Variants in KCNQ2 observed in about 807,000 individuals in gnomAD.
The protein encoded by KCNQ2 is potassium voltage-gated channel subfamily KQT member 2.
Under a neutral mutation model 84.8 loss-of-function variants are expected in KCNQ2, and 14 were observed. That is an observed-to-expected ratio of 0.17 (90% CI 0.11 to 0.26). The LOEUF (loss-of-function observed/expected upper bound fraction) is 0.26, where lower values mean the gene tolerates loss of function less well. Ranked by LOEUF, KCNQ2 falls within the 10% of genes least tolerant of loss-of-function variation. The probability of loss-of-function intolerance (pLI) is 1.00; values close to 1 mark genes in which losing one functional copy is unlikely to be tolerated. For synonymous variants in KCNQ2, 599 were observed against 554.1 expected (o/e 1.08, Z -1.14); for missense variants, 788 against 1,254.0 (o/e 0.63, Z 5.61).
chr20:63,406,728 G>A lies in KCNQ2; in HGVS notation c.2535C>T (p.Leu845=). Residue 845 remains leucine, a synonymous_variant, in exon 17 of 17, where the codon CTC becomes CTT. Coordinates refer to ENST00000359125, the MANE Select transcript of KCNQ2 (RefSeq NM_172107.4). ...GTGGCGGGGGCCCGCACGGGGTACA[G>A]AGGTCGGAGTCGGTGTCTGACTCTC... ...AEGESDTDSD[L]CTPCGPPPRS... is the part of the protein sequence containing the mutation. 6.2e-7 allele frequency: 1 copy of A among 1,609,036 alleles called. No individual in the cohort carries two copies.
At chr20:63,410,177 T>C (rs961769487) in intron 15 of KCNQ2, among the ~76,000 whole-genome samples, 4 of 152,130 alleles carry the variant, frequency 2.6e-5, no homozygotes, top group Admixed American at 1.3e-4. Context: ...ATGGAGGAGA[T>C]GGGAGTCCCT....
rs6011829 is a variant in KCNQ2, at chr20:63,434,067, C to T, written c.1024-164G>A. Reference sequence around the variant, plus strand: ...AGGCCCCAGTGCTGCATCAGCCCCACAGCCTCAGTTTACCCTCTGTAGGAC... The same window carrying T: ...AGGCCCCAGTGCTGCATCAGCCCCATAGCCTCAGTTTACCCTCTGTAGGAC... On this transcript the variant is annotated intron_variant, in intron 7 of 16. Transcript: ENST00000359125. The T allele has an allele frequency of 0.33, 201,286 of 613,574 alleles. 36,643 individuals are homozygous for T. The highest frequency in any genetic ancestry group is 0.4 in the Non-Finnish European group (138,261 of 347,842). The allele number at this position is 613,574 out of a possible 1,614,324, so 38.0% of individuals were successfully genotyped here.
intron 11 of KCNQ2, chr20:63,423,875 G>C: frequency 2.0e-6 from 1 of 509,086 alleles, no homozygotes; most frequent in Non-Finnish European, 3.6e-6. Context: ...CTGCCTCCGA[G>C]AACCCTGGGG....
intron 1 of KCNQ2, among the ~76,000 whole-genome samples, chr20:63,455,532 T>C (rs972671110): frequency 6.6e-6 from 1 of 152,086 alleles, no homozygotes; most frequent in Non-Finnish European, 1.5e-5. Context: ...AGACTGAGCA[T>C]GGAGCAGCGG....
intron 10 of KCNQ2, 169 bp from the exon 11 acceptor site, chr20:63,424,375 G>A (rs938125404): frequency 1.5e-5 from 11 of 756,062 alleles, no homozygotes; most frequent in East Asian, 8.1e-5. Flanking sequence ...GAGAGCCCAC[G>A]GCCCCAGGAA....
intron 9 of KCNQ2, 97 bp downstream of exon 9, chr20:63,431,243 G>T: frequency 4.3e-6 from 6 of 1,382,304 alleles, no homozygotes; most frequent in Non-Finnish European, 6.2e-6. Context: ...TGCAGACCGG[G>T]TGGGCCACGG....
chr20:63,428,572 A>C, intron 9 of KCNQ2, 137 bp from the exon 10 acceptor site: 1 of 746,572 alleles, frequency 1.3e-6, no homozygotes, highest in Non-Finnish European at 2.3e-6. Context: ...CCAGGCTTTC[A>C]GGCAGCTGCC....
rs574786588 is a variant in KCNQ2, at chr20:63,407,662, G to A, written c.1888-287C>T. ...GTCCCAGGAAATGGGGGGGACCCAG[G>A]CTGGTCCTAGGAGATGGGGGGACCT... On this transcript the variant is annotated intron_variant, in intron 16 of 16. Coordinates refer to ENST00000359125, the MANE Select transcript of KCNQ2 (RefSeq NM_172107.4). The surrounding 1 kb of genome is among the most constrained non-coding windows in gnomAD (Gnocchi z 7.2). Among the ~76,000 whole-genome samples the A allele has an allele frequency of 4.6e-5, 7 of 151,950 alleles. No individual in the cohort carries two copies. The East Asian group carries it at 7.8e-4, about 17-fold the overall frequency.
chr20:63,463,933 TCCGC>T (rs963470394), intron 1 of KCNQ2: 7 of 151,864 alleles, frequency 4.6e-5, no homozygotes, highest in African/African-American at 1.7e-4. Context: ...GAGCTGCCCG[TCCGC>T]CCCCACTGAG....
At chr20:63,466,378 ACG>A (rs2082082746) in intron 1 of KCNQ2, 1 of 151,954 alleles carries the variant, frequency 6.6e-6, no homozygotes, top group South Asian at 2.1e-4. Flanking sequence ...ACTTCAACCC[ACG>A]ACCTGGCCCT....
At chr20:63,445,413 G>A in intron 2 of KCNQ2, 49 bp from the exon 3 acceptor site, 1 of 1,605,682 alleles carries the variant, frequency 6.2e-7, no homozygotes, top group Middle Eastern at 1.7e-4. Context: ...GGGAGGGCCT[G>A]GGGGCCCAGC....
In KCNQ2 at chr20:63,407,059, T is replaced by C. The variant is rs752844999; in HGVS notation, c.2204A>G (p.Asp735Gly). Residue 735 changes from aspartate to glycine, a missense_variant, in exon 17 of 17, where the codon GAC becomes GGC. Asp to Gly is a moderately conservative substitution (Grantham distance 94). Coordinates refer to ENST00000359125, the MANE Select transcript of KCNQ2 (RefSeq NM_172107.4). The surrounding 1 kb of genome is among the most constrained non-coding windows in gnomAD (Gnocchi z 7.2). ...CGGGATGCGCACCAGGGAGCCGTGG[T>C]CCCCCACGGGGGAGGTGCCGTGGCC... is the stretch of plus-strand genomic sequence containing the variant. ...RQGHGTSPVG[D>G]HGSLVRIPPP... is the part of the protein sequence containing the mutation. The C allele has an allele frequency of 6.6e-7, 1 of 1,520,828 alleles. No individual in the cohort carries two copies. The highest frequency in any genetic ancestry group is 8.8e-7 in the Non-Finnish European group (1 of 1,136,512). The allele number at this position is 1,520,828 out of a possible 1,614,324, so 94.2% of individuals were successfully genotyped here.
intron 12 of KCNQ2, 58 bp downstream of exon 12, chr20:63,419,560 AG>A (rs1250712746): frequency 6.6e-7 from 1 of 1,521,642 alleles, no homozygotes; most frequent in East Asian, 2.3e-5. Flanking sequence ...TCTAGTAAGC[AG>A]GGAGGGGCAG....
chr20:63,415,230 G>A (rs1051322198), intron 12 of KCNQ2, 104 bp from the exon 13 acceptor site: 20 of 1,062,932 alleles, frequency 1.9e-5, no homozygotes, highest in African/African-American at 3.1e-5. Flanking sequence ...CCCATGCGCC[G>A]GAGGGAGACA....
chr20:63,408,020 G>A lies in KCNQ2; in HGVS notation c.1887+393C>T. ...GCAGGCCCCAAAACAAGGGTCCTCT[G>A]CGGTGGTTCCTGAGAATGCACCCCC... is the stretch of plus-strand genomic sequence containing the variant. On this transcript the variant is annotated intron_variant, in intron 16 of 16. Coordinates refer to ENST00000359125, the MANE Select transcript of KCNQ2 (RefSeq NM_172107.4). The surrounding 1 kb of genome is among the most constrained non-coding windows in gnomAD (Gnocchi z 5.0). The A allele has an allele frequency of 3.4e-6, 1 of 295,736 alleles. No individual in the cohort carries two copies. Among genetic ancestry groups the A allele is most frequent in the Non-Finnish European group, 6.7e-6 (1 of 150,204 alleles). The allele number at this position is 295,736 out of a possible 1,614,324, so 18.3% of individuals were successfully genotyped here. A position where few individuals can be genotyped will look rare whatever the true frequency, so the allele number is the denominator to read the frequency against.
At chr20:63,430,303 G>C (rs2145648711) in intron 9 of KCNQ2, among the ~76,000 whole-genome samples, 1 of 152,290 alleles carries the variant, frequency 6.6e-6, no homozygotes, top group South Asian at 2.1e-4. Context: ...CCTGGCCCCA[G>C]GGGCAGCAGG....
chr20:63,440,953 G>C (rs1204571689), intron 5 of KCNQ2, among the ~76,000 whole-genome samples: 2 of 150,656 alleles, frequency 1.3e-5, no homozygotes, highest in Admixed American at 6.6e-5. Context: ...ACCAAAGGAG[G>C]CGTGGTTTTT....
At chr20:63,465,568 C>CTGGT (rs1264105166) in intron 1 of KCNQ2, among the ~76,000 whole-genome samples, 2 of 152,220 alleles carry the variant, frequency 1.3e-5, no homozygotes, top group Non-Finnish European at 2.9e-5. Flanking sequence ...GGCACACGGG[C>CTGGT]TGGTGAGCGT....
chr20:63,418,192 A>G (rs575827824), intron 12 of KCNQ2, among the ~76,000 whole-genome samples: 1 of 152,304 alleles, frequency 6.6e-6, no homozygotes, highest in South Asian at 2.1e-4. Flanking sequence ...ACAAGCCAAG[A>G]ACAAGCGCAC....
Sources: allele counts gnomAD v4.1 joint callset (sites outside exome capture counted in the v4.1 genomes callset), GRCh38; gene constraint gnomAD v4.1.1; non-coding constraint Gnocchi (gnomAD v3.1); transcripts MANE v1.5; gene names NCBI Gene and HGNC (gene_info 2026-07-23, HGNC 2026-07-21).